PGBD5: variants seen among roughly 807,000 people sequenced by gnomAD.
PGBD5 encodes piggyBac transposable element derived 5, also known as piggyBac transposable element-derived protein 5.
PGBD5 carries 14 observed loss-of-function variants against 47.9 expected under a neutral mutation model. The observed-to-expected ratio is 0.29, with a 90% CI of 0.19 to 0.46. PGBD5 has a LOEUF of 0.46. Among genes scored for constraint, PGBD5 ranks in the 20% least tolerant of loss-of-function variants. PGBD5 has a pLI of 1.00. For synonymous variants in PGBD5, 316 were observed against 306.3 expected (o/e 1.03, Z -0.33); for missense variants, 635 against 716.0 (o/e 0.89, Z 1.29).
rs1226235222 is a variant in PGBD5, at chr1:230,321,798, T to C, written c.*1627A>G. On this transcript the variant is annotated 3_prime_UTR_variant, in exon 7 of 7. Transcript: ENST00000391860. ...AAAGCATCACAAATTAAAAATATAT[T>C]TCTCCATGTGGTAAAAGTGCTTTCA... 1.3e-5 allele frequency: 2 copies of C among 152,620 alleles called. No individual in the cohort carries two copies. The highest frequency in any genetic ancestry group is 2.9e-5 in the Non-Finnish European group (2 of 68,048). 9.5% of individuals were successfully genotyped at this position (152,620 alleles called of 1,614,324 possible).
rs190549667 is a variant in PGBD5 at position 230,370,292 on chromosome 1, A to C, written c.332-12971T>G. ...CACATTCCCCATGGAAACAAGGGAA[A>C]GGTCAGCGCTGCGGTTCGTGAGCCG... On this transcript the variant is annotated intron_variant, in intron 1 of 6. Transcript: ENST00000391860. 3.7e-3 allele frequency among the ~76,000 whole-genome samples: 558 copies of C among 152,282 alleles called. 2 individuals are homozygous for C. Among genetic ancestry groups the C allele is most frequent in the South Asian group, 0.031 (150 of 4,818 alleles).
At chr1:230,368,255 T>G in intron 1 of PGBD5, 1 of 1,225,458 alleles carries the variant, frequency 8.2e-7, no homozygotes, top group Admixed American at 3.3e-5. Flanking sequence ...ATGCCTAAAA[T>G]AAATTCTTAG....
intron 5 of PGBD5, among the ~76,000 whole-genome samples, chr1:230,327,560 G>C (rs1342933612): frequency 6.6e-6 from 1 of 152,248 alleles, no homozygotes; most frequent in Admixed American, 6.5e-5. Flanking sequence ...GTTTCCTAAA[G>C]CTATCCAAGG....
At chr1:230,421,651 G>A (rs1657651337) in intron 1 of PGBD5, among the ~76,000 whole-genome samples, 3 of 152,204 alleles carry the variant, frequency 2.0e-5, no homozygotes, top group African/African-American at 7.2e-5. Context: ...CCTGGGAAAA[G>A]AGCAAAACAG....
At chr1:230,338,567 A>T (rs1001614317) in intron 3 of PGBD5, among the ~76,000 whole-genome samples, 14 of 152,196 alleles carry the variant, frequency 9.2e-5, no homozygotes, top group African/African-American at 3.1e-4. Flanking sequence ...TGGGAGGCTG[A>T]GGTGAGTGAT....
intron 1 of PGBD5, among the ~76,000 whole-genome samples, chr1:230,404,433 T>C (rs1258332878): frequency 6.6e-6 from 1 of 151,606 alleles, no homozygotes; most frequent in Non-Finnish European, 1.5e-5. Context: ...TGGGCCCCCA[T>C]CTCTAAAAAT....
intron 1 of PGBD5, among the ~76,000 whole-genome samples, chr1:230,380,135 C>T: frequency 6.6e-6 from 1 of 152,202 alleles, no homozygotes; most frequent in African/African-American, 2.4e-5. Context: ...TGTGATGCAT[C>T]TGTCCAAAGG....
intron 1 of PGBD5, among the ~76,000 whole-genome samples, chr1:230,366,967 G>A (rs1348121591): frequency 6.6e-6 from 1 of 152,036 alleles, no homozygotes; most frequent in Non-Finnish European, 1.5e-5. Flanking sequence ...CAAAAGGACG[G>A]CAGAAGTGTT....
chr1:230,421,523 C>G (rs12067525), intron 1 of PGBD5, among the ~76,000 whole-genome samples: 3,976 of 152,174 alleles, frequency 0.026, 178 homozygotes, highest in African/African-American at 0.09. Context: ...GGCAACTTCT[C>G]GGCCACAGAG....
At chr1:230,358,340 G>C (rs1667690220) in intron 1 of PGBD5, among the ~76,000 whole-genome samples, 1 of 152,162 alleles carries the variant, frequency 6.6e-6, no homozygotes, top group African/African-American at 2.4e-5. Flanking sequence ...ACAGGGGCAT[G>C]GCTACGGCTT....
intron 1 of PGBD5, among the ~76,000 whole-genome samples, chr1:230,388,837 G>A (rs1434374023): frequency 1.3e-5 from 2 of 152,224 alleles, no homozygotes; most frequent in Non-Finnish European, 2.9e-5. Context: ...GGAAAGAAAA[G>A]CAGCAAAGGA....
At chr1:230,382,445 TG>T (rs1383947360) in intron 1 of PGBD5, among the ~76,000 whole-genome samples, 5 of 152,242 alleles carry the variant, frequency 3.3e-5, no homozygotes, top group Admixed American at 6.5e-5. Flanking sequence ...TGAACTGCAC[TG>T]AACAGGCCAC....
chr1:230,350,127 G>A (rs987850798), intron 3 of PGBD5, among the ~76,000 whole-genome samples: 3 of 152,250 alleles, frequency 2.0e-5, no homozygotes, highest in South Asian at 2.1e-4. Flanking sequence ...GCGGTCAAGC[G>A]AGGGCAGCAA....
rs1667340341 is a variant in PGBD5, at chr1:230,337,260, C to T, written c.923G>A (p.Gly308Asp). The change falls in exon 4 of 7, where the codon GGC becomes GAC. Residue 308 changes from glycine (G) to aspartate (D), a missense_variant. Coordinates refer to ENST00000391860, the MANE Select transcript of PGBD5 (RefSeq NM_001258311.2). ...QIYVHLKEGG[G>D]PDGLDALKNK... is the part of the protein sequence containing the mutation. The stretch of plus-strand genomic sequence containing the variant: ...CTTCAGCGCATCCAGGCCATCTGGG[C>T]CCCCACCTTCCTTCAGGTGGACATA... 1 of 1,613,032 alleles carries T rather than the reference C, an allele frequency of 6.2e-7. No homozygotes were observed. The highest frequency in any genetic ancestry group is 8.5e-7 in the Non-Finnish European group (1 of 1,179,796).
chr1:230,370,111 C>T (rs1667905638), intron 1 of PGBD5, among the ~76,000 whole-genome samples: 1 of 152,180 alleles, frequency 6.6e-6, no homozygotes, highest in South Asian at 2.1e-4. Flanking sequence ...AAAAGGAGAC[C>T]AGAGGGAAAG....
In PGBD5 at chr1:230,315,019, G is replaced by A. The variant is rs1274162634; in HGVS notation, c.*8406C>T. The stretch of plus-strand genomic sequence containing the variant: ...TTGGAGGGTGACAGCCTCCCCCTGA[G>A]AGAGCCAGTTGTGTTCATGATTTTG... On this transcript the variant is annotated 3_prime_UTR_variant, in exon 7 of 7. Coordinates refer to ENST00000391860, the MANE Select transcript of PGBD5 (RefSeq NM_001258311.2). 1 of 152,154 alleles carries A rather than the reference G, an allele frequency of 6.6e-6. No individual in the cohort carries two copies. Among genetic ancestry groups the A allele is most frequent in the Non-Finnish European group, 1.5e-5 (1 of 68,042 alleles). The allele number at this position is 152,154 out of a possible 1,614,324, so 9.4% of individuals were successfully genotyped here. A position where few individuals can be genotyped will look rare whatever the true frequency, so the allele number is the denominator to read the frequency against.
intron 3 of PGBD5, among the ~76,000 whole-genome samples, chr1:230,349,214 C>G (rs1218780538): frequency 1.3e-5 from 2 of 152,102 alleles, no homozygotes; most frequent in Non-Finnish European, 2.9e-5. Context: ...CACACAGGAT[C>G]CGCATGTAAA....
chr1:230,404,684 C>A (rs1657254785), intron 1 of PGBD5, among the ~76,000 whole-genome samples: 1 of 148,604 alleles, frequency 6.7e-6, no homozygotes, highest in African/African-American at 2.5e-5. Flanking sequence ...GTAATCCCAG[C>A]ACTTTAGGAG....
intron 5 of PGBD5, among the ~76,000 whole-genome samples, chr1:230,332,313 A>G (rs1177040018): frequency 6.6e-6 from 1 of 152,210 alleles, no homozygotes; most frequent in Non-Finnish European, 1.5e-5. Context: ...TGGTTTAGTG[A>G]TGATTTCACT....
Sources: gnomAD v4.1 joint callset for allele counts (sites outside exome capture counted in the v4.1 genomes callset) on GRCh38, gnomAD v4.1.1 for gene constraint, MANE v1.5 for transcripts, NCBI Gene and HGNC (gene_info 2026-07-23, HGNC 2026-07-21) for gene names.